The following PSMA8 variants were observed in gnomAD, a reference collection of about 807,000 sequenced individuals.
PSMA8 encodes the protein proteasome subunit alpha-type 8.
PSMA8 carries 18 observed loss-of-function variants against 32.4 expected under a neutral mutation model. That is an observed-to-expected ratio of 0.56 (90% CI 0.38 to 0.82). The LOEUF is 0.82. Ranked by LOEUF, PSMA8 falls within the 40% of genes least tolerant of loss-of-function variation. PSMA8 has a pLI of 0.00. For synonymous variants in PSMA8, 104 were observed against 98.1 expected (o/e 1.06, Z -0.36); for missense variants, 298 against 300.7 (o/e 0.99, Z 0.07).
intron 6 of PSMA8, among the ~76,000 whole-genome samples, chr18:26,185,570 A>C (rs933744128): frequency 4.0e-5 from 6 of 150,828 alleles, no homozygotes; most frequent in South Asian, 4.2e-4. Flanking sequence ...TGGAAGACTG[A>C]AGACATCCTT....
At chr18:26,186,360 T>G (rs974408854) in intron 6 of PSMA8, among the ~76,000 whole-genome samples, 1 of 152,024 alleles carries the variant, frequency 6.6e-6, no homozygotes, top group African/African-American at 2.4e-5. Context: ...TCTCTGTTTC[T>G]GTTTTCTTAT....
chr18:26,141,660 A>G (rs1332256294), intron 1 of PSMA8, among the ~76,000 whole-genome samples: 1 of 151,794 alleles, frequency 6.6e-6, no homozygotes, highest in African/African-American at 2.4e-5. Context: ...TGAAAGAACA[A>G]TAAGAACAAA....
intron 4 of PSMA8, among the ~76,000 whole-genome samples, chr18:26,174,369 G>A (rs987644194): frequency 2.3e-4 from 35 of 152,274 alleles, no homozygotes; most frequent in Admixed American, 1.7e-3. Flanking sequence ...TTACAATATA[G>A]CTTGTAGATT....
intron 4 of PSMA8, among the ~76,000 whole-genome samples, chr18:26,173,156 G>T (rs1008873739): frequency 6.6e-6 from 1 of 152,126 alleles, no homozygotes; most frequent in African/African-American, 2.4e-5. Context: ...CCTTACAGTG[G>T]TCTAACCTTA....
intron 1 of PSMA8, among the ~76,000 whole-genome samples, chr18:26,134,365 C>CTG (rs1396020914): frequency 1.6e-5 from 2 of 121,634 alleles, no homozygotes; most frequent in African/African-American, 9.1e-5. Context: ...GTGTGTGTGT[C>CTG]TCTGTGTGTG....
At chr18:26,174,097 G>A (rs1409349186) in intron 4 of PSMA8, among the ~76,000 whole-genome samples, 2 of 152,086 alleles carry the variant, frequency 1.3e-5, no homozygotes, top group East Asian at 1.9e-4. Flanking sequence ...TGTGTTTTAA[G>A]CATTCAAGTT....
chr18:26,134,647 C>T (rs2054896705), intron 1 of PSMA8, among the ~76,000 whole-genome samples: 1 of 152,124 alleles, frequency 6.6e-6, no homozygotes, highest in African/African-American at 2.4e-5. Flanking sequence ...ACAGTTCAAA[C>T]ACACGCGTTA....
chr18:26,138,396 T>C (rs1042591066), intron 1 of PSMA8, among the ~76,000 whole-genome samples: 2 of 152,198 alleles, frequency 1.3e-5, no homozygotes. Context: ...AGGTTCCTGG[T>C]GGCCATGTTT....
chr18:26,164,329 C>T (rs2055161130), intron 4 of PSMA8, among the ~76,000 whole-genome samples: 1 of 152,140 alleles, frequency 6.6e-6, no homozygotes, highest in Admixed American at 6.6e-5. Flanking sequence ...GATCAAGAAT[C>T]ATTAAGGGGT....
chr18:26,166,180 A>G (rs1186952101), intron 4 of PSMA8, among the ~76,000 whole-genome samples: 3 of 152,156 alleles, frequency 2.0e-5, no homozygotes, highest in Admixed American at 2.0e-4. Flanking sequence ...TGGAATCCTT[A>G]TTGTGCATGG....
Position 26,144,157 on chromosome 18 carries a change from A to C in PSMA8, c.103-402A>C, listed in dbSNP as rs866983019. 2.0e-5 allele frequency among the ~76,000 whole-genome samples: 3 copies of C among 152,088 alleles called. No homozygotes were observed. The South Asian group carries it at 6.2e-4, about 32-fold the overall frequency. ...TTGTGACCAGAAATATTTCATATGAACCTAACTCCTGTTTATATTAATTGG... is the reference window on the plus strand; with the variant it reads ...TTGTGACCAGAAATATTTCATATGACCCTAACTCCTGTTTATATTAATTGG... On this transcript the variant is annotated intron_variant, in intron 1 of 6. Coordinates refer to ENST00000415576, the MANE Select transcript of PSMA8 (RefSeq NM_001025096.2).
chr18:26,156,044 A>G (rs1246506992), intron 3 of PSMA8, among the ~76,000 whole-genome samples: 1 of 152,262 alleles, frequency 6.6e-6, no homozygotes, highest in South Asian at 2.1e-4. Context: ...GCCAACATGT[A>G]TATGAAAACA....
At chr18:26,174,212 C>T (rs557857500) in intron 4 of PSMA8, among the ~76,000 whole-genome samples, 1 of 152,242 alleles carries the variant, frequency 6.6e-6, no homozygotes, top group East Asian at 1.9e-4. Context: ...TGACTATAAT[C>T]GTATTTTACT....
intron 6 of PSMA8, among the ~76,000 whole-genome samples, chr18:26,181,234 C>T (rs6508420): frequency 0.27 from 41,475 of 151,920 alleles, 9,279 homozygotes; most frequent in African/African-American, 0.61. Flanking sequence ...TATTATATAA[C>T]GGTGATCTGT....
chr18:26,141,934 C>T (rs1568053747), intron 1 of PSMA8, among the ~76,000 whole-genome samples: 3 of 151,884 alleles, frequency 2.0e-5, no homozygotes, highest in African/African-American at 7.3e-5. Flanking sequence ...AATCCTCCCA[C>T]CTCAGCCTTC....
intron 4 of PSMA8, among the ~76,000 whole-genome samples, chr18:26,167,113 T>C (rs1454297640): frequency 6.6e-6 from 1 of 152,178 alleles, no homozygotes; most frequent in Admixed American, 6.6e-5. Context: ...TTTAAAATAT[T>C]AATGTATAAA....
intron 4 of PSMA8, among the ~76,000 whole-genome samples, chr18:26,172,697 G>A (rs905082096): frequency 2.0e-4 from 30 of 151,530 alleles, no homozygotes; most frequent in African/African-American, 6.8e-4. Context: ...AAAAAAAAAA[G>A]AAAAGCCTCT....
rs938001049 is a variant in PSMA8 at position 26,162,716 on chromosome 18, A to T, written c.477+4472A>T. On this transcript the variant is annotated intron_variant, in intron 4 of 6. Coordinates refer to ENST00000415576, the MANE Select transcript of PSMA8 (RefSeq NM_001025096.2). ...CCATCTCTACTAAAAATACAAAAAA[A>T]TTAGCCAGGCGCAGTGGCAGGCACC... Among the ~76,000 whole-genome samples, 31 of 152,030 alleles carry T rather than the reference A, an allele frequency of 2.0e-4. 1 individual carries two copies. Among genetic ancestry groups the T allele is most frequent in the South Asian group, 8.3e-4 (4 of 4,818 alleles).
At chr18:26,144,315 T>C (rs1044296678) in intron 1 of PSMA8, among the ~76,000 whole-genome samples, 5 of 152,200 alleles carry the variant, frequency 3.3e-5, no homozygotes, top group African/African-American at 1.2e-4. Flanking sequence ...ATTAGGACAC[T>C]CATAATTTCA....
Sources: allele counts gnomAD v4.1 joint callset (sites outside exome capture counted in the v4.1 genomes callset), GRCh38; gene constraint gnomAD v4.1.1; transcripts MANE v1.5; gene names NCBI Gene and HGNC (gene_info 2026-07-23, HGNC 2026-07-21).